Variants in GRIA4 observed in about 807,000 individuals in gnomAD.
GRIA4 encodes the protein glutamate receptor 4.
Under a neutral mutation model 104.0 loss-of-function variants are expected in GRIA4, and 34 were observed. The observed-to-expected ratio is 0.33, with a 90% CI of 0.25 to 0.44. GRIA4 has a LOEUF of 0.44. GRIA4 is among the 20% of genes least tolerant of loss of function. GRIA4 has a pLI of 1.00. For synonymous variants in GRIA4, 386 were observed against 381.9 expected (o/e 1.01, Z -0.13); for missense variants, 750 against 1,096.5 (o/e 0.68, Z 4.46).
intron 4 of GRIA4, among the ~76,000 whole-genome samples, chr11:105,856,028 C>T (rs1371641857): frequency 6.6e-6 from 1 of 152,144 alleles, no homozygotes; most frequent in African/African-American, 2.4e-5. Context: ...TGACTCAAAT[C>T]ATCTCTCTAT....
At chr11:105,889,927 A>T (rs1591402851) in intron 6 of GRIA4, among the ~76,000 whole-genome samples, 1 of 152,162 alleles carries the variant, frequency 6.6e-6, no homozygotes, top group Non-Finnish European at 1.5e-5. Flanking sequence ...TACAATTACA[A>T]TTTACAATTA....
intron 15 of GRIA4, among the ~76,000 whole-genome samples, chr11:105,973,198 A>G (rs958525301): frequency 6.6e-6 from 1 of 152,220 alleles, no homozygotes; most frequent in Admixed American, 6.5e-5. Flanking sequence ...GACAGTGTAT[A>G]TAGTGCATCT....
chr11:105,866,547 GTGTGTATATATATATATATATA>G (rs1565300580), intron 5 of GRIA4, among the ~76,000 whole-genome samples: 4 of 42,668 alleles, frequency 9.4e-5, no homozygotes, highest in Non-Finnish European at 2.0e-4. Flanking sequence ...GTGTGTGTGT[GTGTGTATATATATATATATATA>G]TATATATATA....
intron 3 of GRIA4, among the ~76,000 whole-genome samples, chr11:105,734,239 T>C (rs1438114012): frequency 6.6e-6 from 1 of 151,872 alleles, no homozygotes; most frequent in Non-Finnish European, 1.5e-5. Flanking sequence ...CCTTGGTAAA[T>C]GGTAAACACA....
intron 14 of GRIA4, among the ~76,000 whole-genome samples, chr11:105,962,134 A>G (rs887257835): frequency 1.3e-5 from 2 of 152,196 alleles, no homozygotes; most frequent in African/African-American, 4.8e-5. Context: ...TATCAGATAT[A>G]CACTTTAATA....
chr11:105,817,958 C>A (rs1257396179), intron 4 of GRIA4, among the ~76,000 whole-genome samples: 1 of 151,820 alleles, frequency 6.6e-6, no homozygotes, highest in African/African-American at 2.4e-5. Flanking sequence ...AGCAAGAACA[C>A]AGAGCAGAGA....
intron 3 of GRIA4, among the ~76,000 whole-genome samples, chr11:105,655,832 C>T (rs1951827331): frequency 1.3e-5 from 2 of 152,062 alleles, no homozygotes; most frequent in South Asian, 4.1e-4. Context: ...ATTTATAATC[C>T]TTTGAGTATA....
intron 3 of GRIA4, among the ~76,000 whole-genome samples, chr11:105,703,235 T>C (rs146491235): frequency 1.5e-4 from 23 of 152,310 alleles, no homozygotes; most frequent in Middle Eastern, 3.4e-3. Flanking sequence ...ATTCATATGG[T>C]CATTCCTTAT....
At position 105,623,053 on chromosome 11, in the gene GRIA4, G is replaced by GTATA. The variant is rs58596312; in HGVS notation, c.247+10654_247+10657dup. ...TTTTATGGCCAAGTAGTATTCCATT[G>GTATA]TATATATATATATATATATATATAT... is the stretch of plus-strand genomic sequence containing the variant. On this transcript the variant is annotated intron_variant, in intron 3 of 16. Coordinates refer to ENST00000282499, the MANE Select transcript of GRIA4 (RefSeq NM_000829.4). Among the ~76,000 whole-genome samples, 836 of 127,550 alleles carry GTATA rather than the reference G, an allele frequency of 6.6e-3. 7 individuals are homozygous for GTATA. Among genetic ancestry groups the GTATA allele is most frequent in the Non-Finnish European group, 9.0e-3 (528 of 58,776 alleles). The allele number at this position is 127,550 out of a possible 152,430, so 83.7% of individuals were successfully genotyped here. A position where few individuals can be genotyped will look rare whatever the true frequency, so the allele number is the denominator to read the frequency against.
At chr11:105,974,684 C>A (rs1858885265) in intron 16 of GRIA4, 7 of 927,480 alleles carry the variant, frequency 7.5e-6, no homozygotes, top group Non-Finnish European at 9.5e-6. Context: ...AACTTCAGTG[C>A]AAATTGGTTC....
intron 3 of GRIA4, among the ~76,000 whole-genome samples, chr11:105,733,831 T>A (rs1425184376): frequency 6.6e-6 from 1 of 151,766 alleles, no homozygotes; most frequent in Non-Finnish European, 1.5e-5. Context: ...GAAACACTTT[T>A]TTTTTATATT....
intron 4 of GRIA4, among the ~76,000 whole-genome samples, chr11:105,773,889 A>T (rs547697631): frequency 3.0e-4 from 46 of 152,112 alleles, no homozygotes; most frequent in African/African-American, 1.0e-3. Context: ...AAAAAAAGTA[A>T]GAGTATAATT....
intron 5 of GRIA4, among the ~76,000 whole-genome samples, chr11:105,886,946 G>C (rs1455165403): frequency 6.7e-6 from 1 of 150,156 alleles, no homozygotes; most frequent in African/African-American, 2.4e-5. Context: ...AAAGCTTTTT[G>C]ATTTTTTTTT....
intron 4 of GRIA4, among the ~76,000 whole-genome samples, chr11:105,837,678 C>T (rs555415689): frequency 1.3e-5 from 2 of 152,220 alleles, no homozygotes; most frequent in South Asian, 4.2e-4. Context: ...TTATTTCATA[C>T]TACTATAAAG....
At chr11:105,732,397 A>G (rs1438153237) in intron 3 of GRIA4, among the ~76,000 whole-genome samples, 1 of 152,090 alleles carries the variant, frequency 6.6e-6, no homozygotes, top group Non-Finnish European at 1.5e-5. Flanking sequence ...GTGAAAGTTT[A>G]TATTAGCAGC....
At chr11:105,903,149 T>C (rs186065247) in intron 7 of GRIA4, among the ~76,000 whole-genome samples, 1 of 152,290 alleles carries the variant, frequency 6.6e-6, no homozygotes, top group East Asian at 1.9e-4. Flanking sequence ...ACTTTGACCC[T>C]AGGTTAACGA....
chr11:105,673,894 A>G (rs1333963681), intron 3 of GRIA4, among the ~76,000 whole-genome samples: 1 of 152,080 alleles, frequency 6.6e-6, no homozygotes, highest in African/African-American at 2.4e-5. Flanking sequence ...TCAATTTATA[A>G]GATCAATGGA....
intron 4 of GRIA4, among the ~76,000 whole-genome samples, chr11:105,796,946 C>T (rs1448793853): frequency 2.0e-5 from 3 of 151,880 alleles, no homozygotes; most frequent in African/African-American, 2.4e-5. Flanking sequence ...ATAAAAATAC[C>T]GCTGGCCAGG....
intron 4 of GRIA4, among the ~76,000 whole-genome samples, chr11:105,832,922 A>G (rs1944031690): frequency 6.6e-6 from 1 of 152,018 alleles, no homozygotes; most frequent in South Asian, 2.1e-4. Flanking sequence ...TATTGAACAA[A>G]TCTTACAAGT....
Sources: allele counts gnomAD v4.1 joint callset (sites outside exome capture counted in the v4.1 genomes callset), GRCh38; gene constraint gnomAD v4.1.1; transcripts MANE v1.5; gene names NCBI Gene and HGNC (gene_info 2026-07-23, HGNC 2026-07-21).